CDYL: variants seen among roughly 807,000 people sequenced by gnomAD.
The protein encoded by CDYL is chromodomain Y like, also known as chromodomain Y-like protein.
Under a neutral mutation model 47.3 loss-of-function variants are expected in CDYL, and 8 were observed. That is an observed-to-expected ratio of 0.17 (90% CI 0.10 to 0.31). CDYL has a LOEUF of 0.31. Among genes scored for constraint, CDYL ranks in the 10% least tolerant of loss-of-function variants. The pLI, the probability that CDYL is intolerant of heterozygous loss-of-function variation, is 1.00. For synonymous variants in CDYL, 266 were observed against 265.0 expected (o/e 1.00, Z -0.04); for missense variants, 471 against 701.4 (o/e 0.67, Z 3.71).
chr6:4,721,440 C>T (rs140950454), intron 2 of CDYL, among the ~76,000 whole-genome samples: 5,899 of 151,992 alleles, frequency 0.039, 373 homozygotes, highest in African/African-American at 0.13. Flanking sequence ...TGGAGTGCAG[C>T]GGCATGATCT....
At chr6:4,859,326 G>A (rs1190232092) in intron 1 of CDYL, among the ~76,000 whole-genome samples, 2 of 151,706 alleles carry the variant, frequency 1.3e-5, no homozygotes, top group Admixed American at 6.6e-5. Context: ...TTCCAGTAAT[G>A]GTCATTGCGG....
At chr6:4,891,532 C>T (rs1249788569) in intron 1 of CDYL, among the ~76,000 whole-genome samples, 181 bp from the exon 2 acceptor site, 1 of 152,198 alleles carries the variant, frequency 6.6e-6, no homozygotes, top group Non-Finnish European at 1.5e-5. Context: ...TCTTGTTTGA[C>T]TTACTTTCAG....
At chr6:4,775,013 G>T (rs570856884), upstream of CDYL, among the ~76,000 whole-genome samples, 1 of 152,336 alleles carries the variant, frequency 6.6e-6, no homozygotes, top group Non-Finnish European at 1.5e-5. The surrounding 1 kb of genome is among the most constrained non-coding windows in gnomAD (Gnocchi z 7.0). Context: ...AAACCGCGGG[G>T]TCTGTGAGAC....
intron 1 of CDYL, among the ~76,000 whole-genome samples, chr6:4,846,229 T>G (rs1316016592): frequency 6.6e-6 from 1 of 151,598 alleles, no homozygotes; most frequent in Non-Finnish European, 1.5e-5. Flanking sequence ...TCAGATGTTG[T>G]CTGGTTTTCA....
intron 4 of CDYL, 99 bp from the exon 5 acceptor site, chr6:4,943,447 G>C: frequency 1.2e-6 from 1 of 840,338 alleles, no homozygotes; most frequent in East Asian, 2.6e-5. Flanking sequence ...CAGGATTTCC[G>C]TAGCATTTAC....
At position 4,892,056 on chromosome 6, in the gene CDYL, C is replaced by T. The variant is rs755595055; in HGVS notation, c.368C>T (p.Thr123Ile). Residue 123 changes from threonine (T) to isoleucine (I), a missense_variant, in exon 2 of 7, where the codon ACA (threonine) becomes ATA (isoleucine). This residue lies in a region of CDYL where 311 missense variants were observed against 350.0 expected (regional missense o/e 0.89). Transcript: ENST00000397588. ...FAASQKFRKN[T>I]APSLSSRKNM... ...GCCAGCCAGAAGTTCAGGAAGAACACAGCTCCATCTCTCTCCAGCCGGAAG... is the reference window on the plus strand; with the variant it reads ...GCCAGCCAGAAGTTCAGGAAGAACATAGCTCCATCTCTCTCCAGCCGGAAG... The T allele has an allele frequency of 2.5e-6, 4 of 1,614,236 alleles. No individual in the cohort carries two copies. In the East Asian group the frequency reaches 8.9e-5, roughly 36 times the overall value.
At chr6:4,837,745 A>G (rs952171470) in intron 1 of CDYL, among the ~76,000 whole-genome samples, 77 of 150,360 alleles carry the variant, frequency 5.1e-4, no homozygotes, top group African/African-American at 1.8e-3. Context: ...TTACAGGCAC[A>G]TGAGCCACCG....
chr6:4,911,850 G>A (rs1297135673), intron 2 of CDYL, among the ~76,000 whole-genome samples: 6 of 152,108 alleles, frequency 3.9e-5, no homozygotes, highest in East Asian at 3.9e-4. Context: ...TTAACTCAGC[G>A]AAGGAATCAA....
upstream of CDYL, among the ~76,000 whole-genome samples, chr6:4,775,589 TG>T (rs1417242551): frequency 2.0e-5 from 3 of 151,690 alleles, no homozygotes; most frequent in Non-Finnish European, 4.4e-5. This position sits in a 1 kb window ranked among gnomAD's most constrained non-coding sequence, Gnocchi z 7.0. Context: ...AGGCCTGGCG[TG>T]GGGGGAGCTG....
At chr6:4,911,206 A>G (rs1003385620) in intron 2 of CDYL, among the ~76,000 whole-genome samples, 3 of 152,288 alleles carry the variant, frequency 2.0e-5, no homozygotes, top group East Asian at 3.9e-4. Flanking sequence ...CGAAGATGTC[A>G]TGACAAACTG....
chr6:4,711,556 C>A (rs1053305594), intron 1 of CDYL, among the ~76,000 whole-genome samples: 1 of 152,164 alleles, frequency 6.6e-6, no homozygotes, highest in Non-Finnish European at 1.5e-5. Flanking sequence ...GCCCTCAGGG[C>A]AATTCAGATG....
At chr6:4,805,908 C>G (rs1004196114) in intron 1 of CDYL, among the ~76,000 whole-genome samples, 1 of 152,230 alleles carries the variant, frequency 6.6e-6, no homozygotes, top group African/African-American at 2.4e-5. Flanking sequence ...AGCTACCCAT[C>G]TGGGCATCCC....
At chr6:4,836,312 A>C (rs920116871) in intron 1 of CDYL, 1 of 962,318 alleles carries the variant, frequency 1.0e-6, no homozygotes, top group Non-Finnish European at 1.2e-6. Flanking sequence ...CCAAAAAGTG[A>C]GTTTTAATTA....
At chr6:4,750,145 T>G (rs1044173786) in intron 3 of CDYL, among the ~76,000 whole-genome samples, 1 of 152,074 alleles carries the variant, frequency 6.6e-6, no homozygotes, top group African/African-American at 2.4e-5. Flanking sequence ...TTAAGACAAG[T>G]CTGGGCAACA....
chr6:4,936,497 G>A (rs933697747), intron 3 of CDYL, among the ~76,000 whole-genome samples: 2 of 152,100 alleles, frequency 1.3e-5, no homozygotes, highest in Non-Finnish European at 2.9e-5. Flanking sequence ...GTGTTCGCCC[G>A]GGGTCACATA....
At chr6:4,884,556 T>C (rs1761850512) in intron 1 of CDYL, among the ~76,000 whole-genome samples, 8 of 152,154 alleles carry the variant, frequency 5.3e-5, no homozygotes, top group Admixed American at 5.2e-4. Flanking sequence ...TGCATTTCTG[T>C]ATGTCTCTGG....
intron 2 of CDYL, among the ~76,000 whole-genome samples, chr6:4,896,604 A>T (rs1762291060): frequency 6.6e-6 from 1 of 152,220 alleles, no homozygotes; most frequent in Non-Finnish European, 1.5e-5. Flanking sequence ...CATTCCAGAA[A>T]GCCCTCGTTC....
chr6:4,808,140 C>G (rs1759425255), intron 1 of CDYL, among the ~76,000 whole-genome samples: 1 of 152,102 alleles, frequency 6.6e-6, no homozygotes, highest in Non-Finnish European at 1.5e-5. Context: ...TGAGGGAGCA[C>G]TGTTTCATTT....
chr6:4,723,945 T>C (rs568797104), intron 2 of CDYL, among the ~76,000 whole-genome samples: 20 of 152,362 alleles, frequency 1.3e-4, no homozygotes, highest in African/African-American at 2.9e-4. Context: ...TTAGAATGAA[T>C]GAGCCCTGGG....
Sources: allele counts gnomAD v4.1 joint callset (sites outside exome capture counted in the v4.1 genomes callset), GRCh38; gene constraint gnomAD v4.1.1; regional missense constraint gnomAD v4.1.1; non-coding constraint Gnocchi (gnomAD v3.1); transcripts MANE v1.5; gene names NCBI Gene and HGNC (gene_info 2026-07-23, HGNC 2026-07-21).